The following ACSS3 variants were observed in gnomAD, a reference collection of about 807,000 sequenced individuals.
The protein encoded by ACSS3 is acyl-CoA synthetase short-chain family member 3, mitochondrial.
In ACSS3, 64 loss-of-function variants were observed where a neutral mutation model predicts 84.2. The observed-to-expected ratio is 0.76, with a 90% CI of 0.62 to 0.94. The LOEUF (loss-of-function observed/expected upper bound fraction) is 0.94, where lower values mean the gene tolerates loss of function less well. Among genes scored for constraint, ACSS3 ranks in the 40% least tolerant of loss-of-function variants. ACSS3 has a pLI of 0.00. For missense variants in ACSS3, 815 were observed against 867.6 expected, an observed-to-expected ratio of 0.94 and a Z score of 0.76; for synonymous variants, 317 against 310.1, an observed-to-expected ratio of 1.02 and a Z score of -0.23.
chr12:81,226,721 C>T (rs2033286134), intron 11 of ACSS3, among the ~76,000 whole-genome samples: 1 of 151,826 alleles, frequency 6.6e-6, no homozygotes, highest in Non-Finnish European at 1.5e-5. Context: ...AGAATATAAA[C>T]TTTCTATAGA....
intron 2 of ACSS3, among the ~76,000 whole-genome samples, chr12:81,120,916 T>G (rs1036032251): frequency 1.3e-5 from 2 of 152,188 alleles, no homozygotes; most frequent in Non-Finnish European, 2.9e-5. Flanking sequence ...TTTGATATAT[T>G]TTAGAATATT....
intron 13 of ACSS3, among the ~76,000 whole-genome samples, chr12:81,235,699 T>A (rs1186830590): frequency 1.3e-5 from 2 of 151,480 alleles, no homozygotes; most frequent in Non-Finnish European, 3.0e-5. Flanking sequence ...TGAACAAGTT[T>A]TGTTAAGTTT....
At chr12:81,194,504 A>G (rs1335808715) in intron 8 of ACSS3, among the ~76,000 whole-genome samples, 1 of 151,894 alleles carries the variant, frequency 6.6e-6, no homozygotes, top group Non-Finnish European at 1.5e-5. Context: ...ATGATCTCAC[A>G]ATTTTTCCTT....
intron 1 of ACSS3, among the ~76,000 whole-genome samples, chr12:81,088,790 TCTC>T (rs909303550): frequency 8.5e-5 from 13 of 152,138 alleles, no homozygotes; most frequent in Middle Eastern, 3.4e-3. Context: ...TTTTAACTCT[TCTC>T]CTCTGAAACC....
chr12:81,246,255 G>C (rs1207317009), intron 13 of ACSS3, among the ~76,000 whole-genome samples: 1 of 152,208 alleles, frequency 6.6e-6, no homozygotes, highest in Non-Finnish European at 1.5e-5. Context: ...GGTGTAAGGT[G>C]TGGAGAGGTA....
At chr12:81,239,737 A>G (rs547197576) in intron 13 of ACSS3, among the ~76,000 whole-genome samples, 127 of 152,142 alleles carry the variant, frequency 8.3e-4, no homozygotes, top group Middle Eastern at 3.4e-3. Context: ...GAATTATGGA[A>G]GCCACAATTC....
intron 9 of ACSS3, chr12:81,199,763 C>A: frequency 9.4e-7 from 1 of 1,063,402 alleles, no homozygotes; most frequent in Non-Finnish European, 1.3e-6. Flanking sequence ...GGGTTCATTC[C>A]ACCTTCAGTA....
In ACSS3 at chr12:81,257,355, GA is replaced by G. The variant is rs912898927; in HGVS notation, c.*2439del. 1.3e-5 allele frequency: 2 copies of G among 151,952 alleles called. No homozygotes were observed. Among genetic ancestry groups the G allele is most frequent in the Non-Finnish European group, 2.9e-5 (2 of 67,986 alleles). 9.4% of individuals were successfully genotyped at this position (151,952 alleles called of 1,614,324 possible). ...CATCAGACTGCTTAAAATTTGGGAG[GA>G]AAAAATTCTATTTTACTACTAACCA... is the stretch of plus-strand genomic sequence containing the variant. On this transcript the variant is annotated 3_prime_UTR_variant, in exon 16 of 16. Transcript: ENST00000548058.
chr12:81,175,235 A>T (rs80047517), intron 8 of ACSS3, among the ~76,000 whole-genome samples: 4,115 of 152,248 alleles, frequency 0.027, 94 homozygotes, highest in South Asian at 0.11. Context: ...TTCTGACTTA[A>T]AATGCACAGA....
chr12:81,195,590 G>C (rs1010807371), intron 8 of ACSS3, among the ~76,000 whole-genome samples: 1 of 151,784 alleles, frequency 6.6e-6, no homozygotes, highest in Non-Finnish European at 1.5e-5. Flanking sequence ...CAAAAAAATT[G>C]TGTGGTTTTT....
In ACSS3 at chr12:81,078,218, CCCTCAGGG is replaced by C; in HGVS notation, c.100_107del (p.Leu34PhefsTer75). On this transcript the variant is annotated frameshift_variant, in exon 1 of 16. Transcript: ENST00000548058. LOFTEE classifies it high-confidence loss of function. ...TCTCCGGCCCGGGGAGCCGGTGCGGCCCTCAGGGCTTTAGTGGTCCCGGGCCCGCGGGG... is the reference window on the plus strand; with the variant it reads ...TCTCCGGCCCGGGGAGCCGGTGCGGCCTTTAGTGGTCCCGGGCCCGCGGGG... The C allele has an allele frequency of 6.3e-7, 1 of 1,587,474 alleles. No individual in the cohort carries two copies. The highest frequency in any genetic ancestry group is 8.5e-7 in the Non-Finnish European group (1 of 1,169,862).
chr12:81,115,330 C>A (rs1883949626), intron 2 of ACSS3, among the ~76,000 whole-genome samples: 1 of 152,114 alleles, frequency 6.6e-6, no homozygotes, highest in South Asian at 2.1e-4. Flanking sequence ...ACAGTGTCGA[C>A]AATTCCAGAT....
At chr12:81,183,008 T>C (rs1488439882) in intron 8 of ACSS3, among the ~76,000 whole-genome samples, 1 of 152,094 alleles carries the variant, frequency 6.6e-6, no homozygotes, top group African/African-American at 2.4e-5. Context: ...ACCAAAAATT[T>C]TAACTGGCAA....
chr12:81,243,965 C>A (rs999512936), intron 13 of ACSS3, among the ~76,000 whole-genome samples: 1 of 152,086 alleles, frequency 6.6e-6, no homozygotes, highest in African/African-American at 2.4e-5. Flanking sequence ...AAATTTCTGA[C>A]GTATATTATT....
intron 9 of ACSS3, among the ~76,000 whole-genome samples, chr12:81,204,173 T>C (rs1440498611): frequency 1.3e-5 from 2 of 152,146 alleles, no homozygotes; most frequent in Non-Finnish European, 2.9e-5. Flanking sequence ...AAAGGAATTA[T>C]TGTTTTTATG....
intron 13 of ACSS3, among the ~76,000 whole-genome samples, chr12:81,241,194 C>T (rs1460938003): frequency 6.6e-6 from 1 of 151,988 alleles, no homozygotes. Context: ...CATAGTATTC[C>T]ATGGTATATG....
intron 8 of ACSS3, among the ~76,000 whole-genome samples, chr12:81,181,057 A>T (rs537160228): frequency 1.3e-5 from 2 of 152,196 alleles, no homozygotes; most frequent in Non-Finnish European, 2.9e-5. Flanking sequence ...GCCCAAGGGA[A>T]TTAAAATAGA....
chr12:81,221,508 G>A (rs1362564967), intron 11 of ACSS3, among the ~76,000 whole-genome samples: 3 of 152,048 alleles, frequency 2.0e-5, no homozygotes, highest in South Asian at 4.1e-4. Context: ...TAACTATATA[G>A]AAAGCTAATA....
chr12:81,169,438 A>G (rs1887553957), intron 7 of ACSS3, among the ~76,000 whole-genome samples: 1 of 152,176 alleles, frequency 6.6e-6, no homozygotes, highest in Non-Finnish European at 1.5e-5. Context: ...GCATTGAGAA[A>G]GAAAAGGCCC....
Sources: allele counts gnomAD v4.1 joint callset (sites outside exome capture counted in the v4.1 genomes callset), GRCh38; gene constraint gnomAD v4.1.1; transcripts MANE v1.5; gene names NCBI Gene and HGNC (gene_info 2026-07-23, HGNC 2026-07-21).